PHTF2: variants seen among roughly 807,000 people sequenced by gnomAD.
The protein encoded by PHTF2 is putative homeodomain transcription factor 2.
Under a neutral mutation model 101.2 loss-of-function variants are expected in PHTF2, and 60 were observed. That is an observed-to-expected ratio of 0.59 (90% CI 0.48 to 0.73). PHTF2 has a LOEUF of 0.73. PHTF2 is among the 30% of genes least tolerant of loss of function. The pLI is 0.00. For missense variants in PHTF2, 747 were observed against 908.7 expected (o/e 0.82, Z 2.29); for synonymous variants, 311 against 307.3 (o/e 1.01, Z -0.13).
intron 12 of PHTF2, among the ~76,000 whole-genome samples, chr7:77,934,590 A>C (rs1368536436): frequency 6.6e-6 from 1 of 152,224 alleles, no homozygotes; most frequent in Non-Finnish European, 1.5e-5. Context: ...GAAGTTCTAA[A>C]TTTTTGGATC....
chr7:77,907,451 G>T (rs1801969744), intron 7 of PHTF2, among the ~76,000 whole-genome samples: 1 of 151,958 alleles, frequency 6.6e-6, no homozygotes, highest in African/African-American at 2.4e-5. Context: ...GGTTTTTTTG[G>T]TCGTTAATTT....
intron 3 of PHTF2, among the ~76,000 whole-genome samples, chr7:77,891,775 C>T (rs931219188): frequency 1.3e-5 from 2 of 151,752 alleles, no homozygotes; most frequent in Admixed American, 1.3e-4. Context: ...TTTGTAGAGA[C>T]AGGTCTCACT....
At position 77,830,086 on chromosome 7, in the gene PHTF2, T is replaced by C. The variant is rs541890857; in HGVS notation, c.-35-10135T>C. ...TTGTGTTTAATATAGGCGAAAAGTT[T>C]TAGGAAAATTCAGAGATAATAAAGA... is the stretch of plus-strand genomic sequence containing the variant. On this transcript the variant is annotated intron_variant, in intron 1 of 19. Coordinates refer to ENST00000416283, the Ensembl canonical transcript of PHTF2. Among the ~76,000 whole-genome samples, 4 of 152,296 alleles carry C rather than the reference T, an allele frequency of 2.6e-5. No homozygotes were observed. The South Asian group carries it at 8.3e-4, about 32-fold the overall frequency.
chr7:77,860,039 A>T (rs1462069202), intron 3 of PHTF2, among the ~76,000 whole-genome samples: 1 of 152,214 alleles, frequency 6.6e-6, no homozygotes, highest in South Asian at 2.1e-4. Context: ...TTTCACTTTT[A>T]AAAAACTGCA....
chr7:77,850,665 A>T, intron 2 of PHTF2, among the ~76,000 whole-genome samples: 1 of 151,366 alleles, frequency 6.6e-6, no homozygotes, highest in Non-Finnish European at 1.5e-5. Flanking sequence ...AAAAAAGAAA[A>T]GTGATCTGTT....
At chr7:77,884,699 C>T (rs2150762456) in intron 3 of PHTF2, among the ~76,000 whole-genome samples, 1 of 152,210 alleles carries the variant, frequency 6.6e-6, no homozygotes, top group Non-Finnish European at 1.5e-5. Flanking sequence ...GAGTTCGAGA[C>T]CAGCCTGACC....
intron 1 of PHTF2, among the ~76,000 whole-genome samples, chr7:77,826,129 A>G (rs1451459090): frequency 6.6e-6 from 1 of 152,210 alleles, no homozygotes; most frequent in African/African-American, 2.4e-5. Context: ...AGAGAAAAAC[A>G]TGACCTATAT....
intron 1 of PHTF2, among the ~76,000 whole-genome samples, chr7:77,814,385 C>A (rs764470796): frequency 6.6e-6 from 1 of 152,160 alleles, no homozygotes; most frequent in Admixed American, 6.5e-5. Flanking sequence ...ATTGAACTCA[C>A]AACCAACAGC....
chr7:77,939,550 A>G (rs916817777), intron 13 of PHTF2, among the ~76,000 whole-genome samples: 2 of 148,598 alleles, frequency 1.3e-5, no homozygotes, highest in Admixed American at 1.4e-4. Context: ...TTATTGTGCC[A>G]CTGTACTCCA....
chr7:77,830,110 G>T (rs1794967521), intron 1 of PHTF2, among the ~76,000 whole-genome samples: 1 of 152,124 alleles, frequency 6.6e-6, no homozygotes, highest in African/African-American at 2.4e-5. Context: ...AGATAATAAA[G>T]ACATTGGACT....
At chr7:77,829,460 ACG>A (rs1794920117) in intron 1 of PHTF2, among the ~76,000 whole-genome samples, 1 of 152,204 alleles carries the variant, frequency 6.6e-6, no homozygotes, top group Non-Finnish European at 1.5e-5. Context: ...TGACCATAAA[ACG>A]TGTGGTGTTT....
chr7:77,948,654 G>A (rs1806288056), intron 16 of PHTF2, among the ~76,000 whole-genome samples: 1 of 152,112 alleles, frequency 6.6e-6, no homozygotes, highest in African/African-American at 2.4e-5. Context: ...ACTCACAGGA[G>A]GAAATTCAAT....
intron 8 of PHTF2, chr7:77,909,169 C>CTTTT: frequency 9.5e-6 from 3 of 317,404 alleles, no homozygotes; most frequent in Non-Finnish European, 1.1e-5. Context: ...GTTTTTGTTT[C>CTTTT]TTTTTTTTTT....
chr7:77,804,480 C>T (rs1453851192), intron 1 of PHTF2, among the ~76,000 whole-genome samples: 1 of 152,158 alleles, frequency 6.6e-6, no homozygotes, highest in Admixed American at 6.5e-5. Context: ...TGCCTGTCAC[C>T]GTGCCCGGCT....
At chr7:77,853,098 A>G (rs1162667523) in intron 2 of PHTF2, among the ~76,000 whole-genome samples, 3 of 151,994 alleles carry the variant, frequency 2.0e-5, no homozygotes, top group Non-Finnish European at 2.9e-5. Flanking sequence ...CGACCTTCTT[A>G]TACTTGAATA....
chr7:77,914,464 T>C (rs1562944497), intron 9 of PHTF2, among the ~76,000 whole-genome samples: 1 of 152,208 alleles, frequency 6.6e-6, no homozygotes, highest in Non-Finnish European at 1.5e-5. Context: ...GGCAACCTTA[T>C]GATGGTTCAC....
At chr7:77,866,503 G>A (rs1017886586) in intron 3 of PHTF2, among the ~76,000 whole-genome samples, 3 of 152,012 alleles carry the variant, frequency 2.0e-5, no homozygotes, top group Non-Finnish European at 2.9e-5. Flanking sequence ...AACAAGTTAC[G>A]TAAAAGAGTG....
intron 3 of PHTF2, among the ~76,000 whole-genome samples, chr7:77,875,746 A>G (rs886103752): frequency 2.6e-5 from 4 of 151,714 alleles, no homozygotes; most frequent in Non-Finnish European, 4.4e-5. Flanking sequence ...TTTAGTAGAG[A>G]CGGGGTTTCA....
At chr7:77,802,639 A>G (rs1792647445) in intron 1 of PHTF2, among the ~76,000 whole-genome samples, 1 of 152,190 alleles carries the variant, frequency 6.6e-6, no homozygotes, top group African/African-American at 2.4e-5. Context: ...GGCTCAGGCA[A>G]TCCTGTTGCC....
Sources: gnomAD v4.1 joint callset for allele counts (sites outside exome capture counted in the v4.1 genomes callset) on GRCh38, gnomAD v4.1.1 for gene constraint, MANE v1.5 for transcripts, NCBI Gene and HGNC (gene_info 2026-07-23, HGNC 2026-07-21) for gene names.